Variants in ZFYVE27 observed in about 807,000 individuals in gnomAD.
ZFYVE27 encodes protrudin.
A neutral mutation model predicts 52.8 loss-of-function variants in ZFYVE27; 36 were observed. The observed-to-expected ratio is 0.68, with a 90% CI of 0.52 to 0.90. ZFYVE27 has a LOEUF of 0.90. Among genes scored for constraint, ZFYVE27 ranks in the 40% least tolerant of loss-of-function variants. ZFYVE27 has a pLI of 0.00. For missense variants in ZFYVE27, 450 were observed against 527.2 expected, an observed-to-expected ratio of 0.85 and a Z score of 1.43; for synonymous variants, 223 against 215.6, an observed-to-expected ratio of 1.03 and a Z score of -0.30.
intron 5 of ZFYVE27, among the ~76,000 whole-genome samples, chr10:97,748,714 C>T (rs1473759500): frequency 6.6e-6 from 1 of 152,162 alleles, no homozygotes; most frequent in Non-Finnish European, 1.5e-5. Context: ...TTGTTTTCCA[C>T]TTATCATTAT....
rs1037747707 is a variant in ZFYVE27 at position 97,749,517 on chromosome 10, C to T, written c.595C>T (p.Leu199=). The change falls in exon 6 of 13, where the codon CTG becomes TTG. Residue 199 remains leucine, a synonymous_variant. Coordinates refer to ENST00000684270, the MANE Select transcript of ZFYVE27 (RefSeq NM_001385875.1). ...LLGTVCMLYL[L]PLCWVLTLLN... is the part of the protein sequence containing the mutation. Reference sequence around the variant, plus strand: ...GGGCACAGTCTGCATGCTGTATTTGCTGCCACTCTGCTGGGTTCTCACCCT... The same window carrying T: ...GGGCACAGTCTGCATGCTGTATTTGTTGCCACTCTGCTGGGTTCTCACCCT... 3.7e-6 allele frequency: 6 copies of T among 1,614,080 alleles called. No individual in the cohort carries two copies. Among genetic ancestry groups the T allele is most frequent in the Non-Finnish European group, 5.1e-6 (6 of 1,180,034 alleles).
intron 12 of ZFYVE27, among the ~76,000 whole-genome samples, chr10:97,758,763 A>C (rs1194360479): frequency 6.6e-6 from 1 of 152,000 alleles, no homozygotes; most frequent in Non-Finnish European, 1.5e-5. Context: ...ACATTTTGGG[A>C]AATTTCACTG....
At chr10:97,754,400 C>T (rs1426168720) in intron 10 of ZFYVE27, among the ~76,000 whole-genome samples, 4 of 150,852 alleles carry the variant, frequency 2.7e-5, no homozygotes, top group Admixed American at 6.6e-5. Flanking sequence ...GCATCCTCGA[C>T]TTCCTGGGCT....
At chr10:97,757,994 C>T (rs2048818379) in intron 12 of ZFYVE27, 2 of 438,658 alleles carry the variant, frequency 4.6e-6, no homozygotes, top group Non-Finnish European at 8.2e-6. Context: ...GCCCTGGCAA[C>T]ACCCCCGCAG....
intron 4 of ZFYVE27, 78 bp from the exon 5 acceptor site, chr10:97,748,191 A>C (rs2045967970): frequency 7.4e-7 from 1 of 1,351,196 alleles, no homozygotes; most frequent in East Asian, 2.3e-5. Context: ...ATCCCTAGCC[A>C]ACTGTACCTG....
rs1319861391 is a variant in ZFYVE27, at chr10:97,750,418, T to C, written c.752T>C (p.Val251Ala). The C allele has an allele frequency of 1.3e-5, 21 of 1,614,058 alleles. No homozygotes were observed. The highest frequency in any genetic ancestry group is 4.0e-5 in the African/African-American group (3 of 74,940). Residue 251 changes from valine to alanine, a missense_variant, in exon 7 of 13, where the codon GTT (valine) becomes GCT (alanine). Coordinates refer to ENST00000684270, the MANE Select transcript of ZFYVE27 (RefSeq NM_001385875.1). ...HAFESPPPPD[V>A]GGKDGLMDST... Reference sequence around the variant, plus strand: ...TTTGAGAGTCCTCCACCACCAGATGTTGGGGGGAAGGATGGTCTGATGGAC... The same window carrying C: ...TTTGAGAGTCCTCCACCACCAGATGCTGGGGGGAAGGATGGTCTGATGGAC...
chr10:97,758,666 T>C (rs2049029294), intron 12 of ZFYVE27, among the ~76,000 whole-genome samples: 1 of 152,200 alleles, frequency 6.6e-6, no homozygotes, highest in Non-Finnish European at 1.5e-5. Context: ...GCTTACTAAC[T>C]AGAAAATTTG....
chr10:97,750,269 C>T, intron 6 of ZFYVE27, 62 bp from the exon 7 acceptor site: 4 of 1,605,382 alleles, frequency 2.5e-6, no homozygotes. Context: ...GTGGGTACCC[C>T]TAAAGTGCCA....
chr10:97,757,673 G>C lies in ZFYVE27; in HGVS notation c.1121G>C (p.Cys374Ser). 6.2e-7 allele frequency: 1 copy of C among 1,614,234 alleles called. No homozygotes were observed. Among genetic ancestry groups the C allele is most frequent in the Non-Finnish European group, 8.5e-7 (1 of 1,180,028 alleles). The change falls in exon 12 of 13, where the codon TGC (cysteine) becomes TCC (serine). Residue 374 changes from cysteine to serine, a missense_variant. By Grantham distance (112) the Cys-to-Ser change is moderately radical (BLOSUM62 -1). Transcript: ENST00000684270. The stretch of plus-strand genomic sequence containing the variant: ...TGCAGTAATTGTGGAAACAGCTTCT[G>C]CTCTCGATGCTGCTCCTTCAAGGTG... ...RSCSNCGNSF[C>S]SRCCSFKVPK...
At chr10:97,751,244 CTCCTTCCTGTGAGT>C in intron 7 of ZFYVE27, 133 bp from the exon 8 acceptor site, 1 of 869,608 alleles carries the variant, frequency 1.1e-6, no homozygotes, top group Admixed American at 1.9e-5. Flanking sequence ...CTAGAGGTTG[CTCCTTCCTGTGAGT>C]TCCTTCTTTC....
chr10:97,749,419 C>A, intron 5 of ZFYVE27, 55 bp from the exon 6 acceptor site: 1 of 1,393,644 alleles, frequency 7.2e-7, no homozygotes, highest in Non-Finnish European at 1.0e-6. Context: ...GCTCCAAACC[C>A]GTCTCCTTCT....
intron 4 of ZFYVE27, 69 bp downstream of exon 4, chr10:97,744,984 T>C: frequency 6.6e-7 from 1 of 1,516,066 alleles, no homozygotes; most frequent in South Asian, 1.2e-5. Flanking sequence ...AGTGCTAGCT[T>C]TGTGTGCTCG....
intron 2 of ZFYVE27, 47 bp downstream of exon 2, chr10:97,738,721 C>T (rs1196654975): frequency 6.2e-7 from 1 of 1,607,490 alleles, no homozygotes; most frequent in Non-Finnish European, 8.5e-7. Context: ...CTTCTGCCGT[C>T]CTGCTCTGTA....
At chr10:97,741,731 C>T (rs1287306678) in intron 2 of ZFYVE27, among the ~76,000 whole-genome samples, 3 of 152,146 alleles carry the variant, frequency 2.0e-5, no homozygotes, top group African/African-American at 7.2e-5. Flanking sequence ...CCTGCACGTT[C>T]TGCACATGTA....
At chr10:97,757,793 G>A (rs1487004266) in intron 12 of ZFYVE27, 70 bp downstream of exon 12, 1 of 1,518,858 alleles carries the variant, frequency 6.6e-7, no homozygotes, top group African/African-American at 1.4e-5. Flanking sequence ...GTGGCACAGA[G>A]GCAAGGGTGT....
chr10:97,750,208 A>G, intron 6 of ZFYVE27, 123 bp from the exon 7 acceptor site: 1 of 1,246,832 alleles, frequency 8.0e-7, no homozygotes, highest in Non-Finnish European at 1.2e-6. Flanking sequence ...CAGAGTTAGG[A>G]GGGTGACTCT....
At chr10:97,753,280 C>T in intron 10 of ZFYVE27, 98 bp downstream of exon 10, 1 of 1,492,274 alleles carries the variant, frequency 6.7e-7, no homozygotes. Context: ...AGTCTCAGAA[C>T]TGTGGGTACT....
Position 97,738,499 on chromosome 10 carries a change from G to A in ZFYVE27, c.22G>A (p.Gly8Arg). ...CAGGATGCAGACATCAGAACGTGAG[G>A]GGAGTGGGCCGGAGCTGAGCCCCAG... MQTSERE[G>R]SGPELSPSVM... The change falls in exon 2 of 13, where the codon GGG (glycine) becomes AGG (arginine). Residue 8 changes from glycine (G) to arginine (R), a missense_variant. By Grantham distance (125) the Gly-to-Arg change is moderately radical (BLOSUM62 -2). Transcript: ENST00000684270. 1 of 1,614,164 alleles carries A rather than the reference G, an allele frequency of 6.2e-7. No homozygotes were observed. Among genetic ancestry groups the A allele is most frequent in the Non-Finnish European group, 8.5e-7 (1 of 1,180,038 alleles).
intron 1 of ZFYVE27, among the ~76,000 whole-genome samples, chr10:97,737,537 T>A (rs1375002149): frequency 6.6e-6 from 1 of 152,208 alleles, no homozygotes; most frequent in Non-Finnish European, 1.5e-5. Flanking sequence ...CCTGGGCTCA[T>A]ACCTGGCGCC....
Sources: gnomAD v4.1 joint callset for allele counts (sites outside exome capture counted in the v4.1 genomes callset) on GRCh38, gnomAD v4.1.1 for gene constraint, MANE v1.5 for transcripts, NCBI Gene and HGNC (gene_info 2026-07-23, HGNC 2026-07-21) for gene names.